AK7: variants seen among roughly 807,000 people sequenced by gnomAD.
AK7 encodes adenylate kinase 7.
A neutral mutation model predicts 96.6 loss-of-function variants in AK7; 78 were observed. That is an observed-to-expected ratio of 0.81 (90% CI 0.67 to 0.97). The LOEUF (loss-of-function observed/expected upper bound fraction) is 0.97, where lower values mean the gene tolerates loss of function less well. AK7 is among the 50% of genes least tolerant of loss of function. The pLI is 0.00. For missense variants in AK7, 855 were observed against 887.9 expected (o/e 0.96, Z 0.47); for synonymous variants, 302 against 317.2 (o/e 0.95, Z 0.51).
At chr14:96,445,565 C>T (rs1341014042) in intron 7 of AK7, among the ~76,000 whole-genome samples, 4 of 152,116 alleles carry the variant, frequency 2.6e-5, no homozygotes, top group Admixed American at 2.0e-4. Flanking sequence ...GAGGTGGAGG[C>T]GGGAGGATCA....
chr14:96,484,208 C>T (rs1416782574), intron 16 of AK7, among the ~76,000 whole-genome samples: 1 of 152,152 alleles, frequency 6.6e-6, no homozygotes, highest in Non-Finnish European at 1.5e-5. Context: ...TGCCACAGCA[C>T]TCCAGCCTGG....
chr14:96,456,553 C>T (rs188878588), intron 11 of AK7, 78 bp downstream of exon 11: 27 of 1,507,866 alleles, frequency 1.8e-5, no homozygotes, highest in South Asian at 7.4e-5. Flanking sequence ...GTATATGATT[C>T]GAATTAGCCA....
intron 4 of AK7, among the ~76,000 whole-genome samples, chr14:96,412,347 C>T (rs960372770): frequency 2.0e-5 from 3 of 151,406 alleles, no homozygotes; most frequent in African/African-American, 7.3e-5. Context: ...CTTGCCTCAG[C>T]CTCCCGAGTA....
intron 5 of AK7, chr14:96,423,881 G>A: frequency 2.1e-6 from 2 of 930,312 alleles, no homozygotes; most frequent in Non-Finnish European, 3.6e-6. Context: ...CCTGTGCCTT[G>A]GGAGACCCCG....
At chr14:96,451,386 A>C (rs1469165882) in intron 9 of AK7, 35 bp from the exon 10 acceptor site, 1 of 1,508,060 alleles carries the variant, frequency 6.6e-7, no homozygotes, top group South Asian at 1.3e-5. Context: ...ATTAAACAAA[A>C]AAAGACAAAT....
chr14:96,460,894 G>A (rs1260525055), intron 12 of AK7, among the ~76,000 whole-genome samples: 9 of 152,136 alleles, frequency 5.9e-5, no homozygotes, highest in Admixed American at 5.9e-4. Flanking sequence ...GGTTAGCCCT[G>A]AACCTCTCTC....
intron 2 of AK7, among the ~76,000 whole-genome samples, chr14:96,400,912 G>A (rs952252323): frequency 6.6e-6 from 1 of 152,184 alleles, no homozygotes; most frequent in Admixed American, 6.5e-5. Context: ...TGTAGACAAC[G>A]AATAGTGTCT....
chr14:96,460,000 CA>C (rs1456750511), intron 12 of AK7, among the ~76,000 whole-genome samples: 1 of 152,172 alleles, frequency 6.6e-6, no homozygotes, highest in Admixed American at 6.5e-5. Context: ...GTTTGTTGAA[CA>C]AAGTAATCAC....
chr14:96,393,394 A>G (rs567235426), intron 1 of AK7, among the ~76,000 whole-genome samples: 1 of 152,356 alleles, frequency 6.6e-6, no homozygotes, highest in South Asian at 2.1e-4. Context: ...AATTGCCACA[A>G]ACTGGATGAC....
rs1895908750 is a variant in AK7 at position 96,488,712 on chromosome 14, A to G, written c.*369A>G. ...ATTATTCTAACATGTAGGCTAATTTACATGACTTGTTATCGCCCCAATAAC... is the reference window on the plus strand; with the variant it reads ...ATTATTCTAACATGTAGGCTAATTTGCATGACTTGTTATCGCCCCAATAAC... On this transcript the variant is annotated 3_prime_UTR_variant, in exon 18 of 18. Coordinates refer to ENST00000267584, the MANE Select transcript of AK7 (RefSeq NM_152327.5). 6.2e-6 allele frequency: 1 copy of G among 160,436 alleles called. No individual in the cohort carries two copies. The highest frequency in any genetic ancestry group is 1.8e-4 in the East Asian group (1 of 5,704). The allele number at this position is 160,436 out of a possible 1,614,324, so 9.9% of individuals were successfully genotyped here.
chr14:96,394,734 G>A (rs895122980), intron 1 of AK7, among the ~76,000 whole-genome samples: 1 of 152,182 alleles, frequency 6.6e-6, no homozygotes, highest in Non-Finnish European at 1.5e-5. Flanking sequence ...CCAGCAATTT[G>A]GGAGGCCAAG....
chr14:96,467,046 T>TA (rs11295444), intron 12 of AK7, among the ~76,000 whole-genome samples: 84,010 of 137,746 alleles, frequency 0.61, 25,614 homozygotes, highest in Middle Eastern at 0.69. Context: ...GACGAATATG[T>TA]AAAAAAAAAA....
chr14:96,486,998 T>C lies in AK7; in HGVS notation c.2075T>C (p.Leu692Pro). 6.2e-7 allele frequency: 1 copy of C among 1,614,178 alleles called. No individual in the cohort carries two copies. The highest frequency in any genetic ancestry group is 8.5e-7 in the Non-Finnish European group (1 of 1,180,030). ...NYLMTYVMPT[L>P]IQGLNECCNV... The stretch of plus-strand genomic sequence containing the variant: ...TTAATGACCTATGTGATGCCAACTC[T>C]TATTCAGGGCCTGAATGAATGTTGC... Residue 692 changes from leucine to proline, a missense_variant, in exon 17 of 18, where the codon CTT becomes CCT. By Grantham distance (98) the Leu-to-Pro change is moderately conservative (BLOSUM62 -3). Transcript: ENST00000267584.
At chr14:96,457,999 T>C in intron 11 of AK7, 84 bp from the exon 12 acceptor site, 2 of 1,561,018 alleles carry the variant, frequency 1.3e-6, no homozygotes, top group Non-Finnish European at 1.7e-6. Flanking sequence ...TCCCAAGCTT[T>C]TTCCAGGATC....
chr14:96,439,238 A>G (rs970233843), intron 6 of AK7, among the ~76,000 whole-genome samples: 13 of 152,088 alleles, frequency 8.5e-5, no homozygotes, highest in African/African-American at 2.9e-4. Context: ...AATATGGAGA[A>G]GAGATAGGGG....
chr14:96,457,591 G>C (rs1196222282), intron 11 of AK7, among the ~76,000 whole-genome samples: 1 of 152,104 alleles, frequency 6.6e-6, no homozygotes, highest in East Asian at 1.9e-4. Context: ...GCCTCCAGCT[G>C]TGGTTCAAAG....
intron 5 of AK7, among the ~76,000 whole-genome samples, chr14:96,431,188 G>C (rs963637387): frequency 1.3e-5 from 2 of 151,920 alleles, no homozygotes; most frequent in African/African-American, 4.8e-5. Context: ...TATCTCTTTT[G>C]TTGATCTTTT....
intron 5 of AK7, among the ~76,000 whole-genome samples, chr14:96,436,790 C>T (rs1254980746): frequency 6.6e-6 from 1 of 152,184 alleles, no homozygotes; most frequent in Non-Finnish European, 1.5e-5. Flanking sequence ...CTTCCCTTCT[C>T]TCTGGGACTC....
At chr14:96,475,237 A>T (rs1895108660) in intron 14 of AK7, among the ~76,000 whole-genome samples, 1 of 152,166 alleles carries the variant, frequency 6.6e-6, no homozygotes, top group Admixed American at 6.5e-5. Flanking sequence ...TTTCATTCGT[A>T]CTTGTAGGAT....
Sources: gnomAD v4.1 joint callset for allele counts (sites outside exome capture counted in the v4.1 genomes callset) on GRCh38, gnomAD v4.1.1 for gene constraint, MANE v1.5 for transcripts, NCBI Gene and HGNC (gene_info 2026-07-23, HGNC 2026-07-21) for gene names.